The following EPC2 variants were observed in gnomAD, a reference collection of about 807,000 sequenced individuals.
EPC2 encodes the protein enhancer of polycomb 2, also known as enhancer of polycomb homolog 2.
Under a neutral mutation model 92.1 loss-of-function variants are expected in EPC2, and 14 were observed. That is an observed-to-expected ratio of 0.15 (90% CI 0.10 to 0.24). The LOEUF is 0.24. Ranked by LOEUF, EPC2 falls within the 10% of genes least tolerant of loss-of-function variation. The pLI, the probability that EPC2 is intolerant of heterozygous loss-of-function variation, is 1.00. For missense variants in EPC2, 755 were observed against 971.5 expected, an observed-to-expected ratio of 0.78 and a Z score of 2.96; for synonymous variants, 340 against 334.7, an observed-to-expected ratio of 1.02 and a Z score of -0.17.
chr2:148,782,162 T>C (rs1236376820), intron 11 of EPC2, among the ~76,000 whole-genome samples: 3 of 152,332 alleles, frequency 2.0e-5, no homozygotes, highest in Non-Finnish European at 4.4e-5. Flanking sequence ...ATGTGCTCCA[T>C]GAGCTGGGCA....
At chr2:148,653,683 C>T (rs1680732329) in intron 1 of EPC2, among the ~76,000 whole-genome samples, 1 of 150,728 alleles carries the variant, frequency 6.6e-6, no homozygotes, top group Admixed American at 6.6e-5. Context: ...TAACTCCTAT[C>T]TTTGCTTCCC....
intron 6 of EPC2, among the ~76,000 whole-genome samples, chr2:148,764,538 T>A (rs1683372031): frequency 6.6e-6 from 1 of 152,196 alleles, no homozygotes; most frequent in South Asian, 2.1e-4. Flanking sequence ...CAGACATTTT[T>A]AAAAATTAGA....
rs141496402 is a variant in EPC2, at chr2:148,678,075, T to C, written c.154-12139T>C. ...CATCCTGCTGATTGGTAGAGCTGAG[T>C]GGTCTGTTTTGACAGGGCGCTGATT... On this transcript the variant is annotated intron_variant, in intron 1 of 13. Coordinates refer to ENST00000258484, the MANE Select transcript of EPC2 (RefSeq NM_015630.4). Among the ~76,000 whole-genome samples, 703 of 152,272 alleles carry C rather than the reference T, an allele frequency of 4.6e-3. 5 individuals carry two copies. Among genetic ancestry groups the C allele is most frequent in the African/African-American group, 0.016 (651 of 41,558 alleles).
chr2:148,726,765 G>GTTTTTTTTTTTTTTTTTTTTTTTTTTTT (rs201293391), intron 2 of EPC2, among the ~76,000 whole-genome samples: 1 of 100,606 alleles, frequency 9.9e-6, no homozygotes, highest in Non-Finnish European at 2.0e-5. Context: ...TTTGTTTTTT[G>GTTTTTTTTTTTTTTTTTTTTTTTTTTTT]TTTTTTTTTT....
chr2:148,750,447 A>G, intron 3 of EPC2, among the ~76,000 whole-genome samples: 1 of 151,870 alleles, frequency 6.6e-6, no homozygotes. Flanking sequence ...GGAGAACTTT[A>G]TAACTCTACC....
chr2:148,758,597 T>C (rs1249970670), intron 4 of EPC2, among the ~76,000 whole-genome samples: 1 of 152,124 alleles, frequency 6.6e-6, no homozygotes, highest in Non-Finnish European at 1.5e-5. Flanking sequence ...GGTTTCACTA[T>C]GTTGGCCAGG....
intron 3 of EPC2, among the ~76,000 whole-genome samples, chr2:148,747,477 T>C: frequency 6.6e-6 from 1 of 152,098 alleles, no homozygotes; most frequent in Admixed American, 6.6e-5. Context: ...ACCCTTTCAT[T>C]TGACCCCATC....
At chr2:148,663,202 A>T (rs997885052) in intron 1 of EPC2, among the ~76,000 whole-genome samples, 4 of 141,246 alleles carry the variant, frequency 2.8e-5, no homozygotes, top group African/African-American at 5.3e-5. Context: ...TTGTATTATT[A>T]TTATTATTAT....
At chr2:148,662,840 C>T (rs1397567673) in intron 1 of EPC2, among the ~76,000 whole-genome samples, 16 of 151,660 alleles carry the variant, frequency 1.1e-4, no homozygotes, top group Admixed American at 6.6e-5. Flanking sequence ...TTTTTAAAAA[C>T]TCTTTAGTTT....
chr2:148,660,018 T>C (rs1035288486), intron 1 of EPC2, among the ~76,000 whole-genome samples: 1 of 152,156 alleles, frequency 6.6e-6, no homozygotes, highest in African/African-American at 2.4e-5. Flanking sequence ...CAATATCATG[T>C]GTGTTCATTT....
chr2:148,661,451 C>A (rs936857824), intron 1 of EPC2, among the ~76,000 whole-genome samples: 1 of 152,098 alleles, frequency 6.6e-6, no homozygotes, highest in Non-Finnish European at 1.5e-5. Flanking sequence ...TACCATATCA[C>A]CACCTAATAG....
At chr2:148,663,195 TA>T (rs1559140932) in intron 1 of EPC2, among the ~76,000 whole-genome samples, 281 of 5,700 alleles carry the variant, frequency 0.049, 2 homozygotes, top group Middle Eastern at 0.17. Flanking sequence ...TGTGTTTTTG[TA>T]TTATTATTAT....
At chr2:148,717,367 T>C (rs1682282007) in intron 2 of EPC2, among the ~76,000 whole-genome samples, 1 of 152,202 alleles carries the variant, frequency 6.6e-6, no homozygotes, top group Non-Finnish European at 1.5e-5. Context: ...AGCTTCTAGA[T>C]GTGGGCATTT....
At chr2:148,779,817 T>G (rs1683714089) in intron 10 of EPC2, among the ~76,000 whole-genome samples, 2 of 152,214 alleles carry the variant, frequency 1.3e-5, no homozygotes, top group East Asian at 3.8e-4. Context: ...CTGGACACAC[T>G]TGACACTGGA....
chr2:148,674,743 T>G (rs1354770664), intron 1 of EPC2, among the ~76,000 whole-genome samples: 1 of 152,232 alleles, frequency 6.6e-6, no homozygotes. Flanking sequence ...CTTATGGCCT[T>G]TTAAACCCAT....
intron 2 of EPC2, among the ~76,000 whole-genome samples, chr2:148,728,899 G>T (rs1682558035): frequency 1.3e-5 from 2 of 151,390 alleles, no homozygotes; most frequent in Non-Finnish European, 2.9e-5. Flanking sequence ...GGGCATGGTG[G>T]TGGGCGCCTG....
intron 2 of EPC2, among the ~76,000 whole-genome samples, chr2:148,710,027 C>G (rs1682101970): frequency 6.6e-6 from 1 of 152,096 alleles, no homozygotes; most frequent in East Asian, 1.9e-4. Flanking sequence ...AGCTTCTGCA[C>G]AGCAAAAGAA....
chr2:148,764,560 A>G (rs1315163617), intron 6 of EPC2, among the ~76,000 whole-genome samples: 3 of 152,244 alleles, frequency 2.0e-5, no homozygotes, highest in Non-Finnish European at 4.4e-5. Context: ...CTAAGTGTAG[A>G]AATGACAGTA....
At chr2:148,766,022 C>G (rs577501708) in intron 7 of EPC2, among the ~76,000 whole-genome samples, 3 of 152,150 alleles carry the variant, frequency 2.0e-5, no homozygotes, top group African/African-American at 7.2e-5. Flanking sequence ...GGCGACAGAG[C>G]GAGACGACGT....
Sources: allele counts gnomAD v4.1 joint callset (sites outside exome capture counted in the v4.1 genomes callset), GRCh38; gene constraint gnomAD v4.1.1; transcripts MANE v1.5; gene names NCBI Gene and HGNC (gene_info 2026-07-23, HGNC 2026-07-21).